The following EFHC2 variants were observed in gnomAD, a reference collection of about 807,000 sequenced individuals.
EFHC2 encodes the protein EF-hand domain-containing family member C2.
A neutral mutation model predicts 52.7 loss-of-function variants in EFHC2; 18 were observed. The ratio of observed to expected loss-of-function variants is 0.34; its 90% confidence interval spans 0.24 to 0.51. The LOEUF (loss-of-function observed/expected upper bound fraction) is 0.51, where lower values mean the gene tolerates loss of function less well. Among genes scored for constraint, EFHC2 ranks in the 20% least tolerant of loss-of-function variants. EFHC2 has a pLI of 0.97. For missense variants in EFHC2, 513 were observed against 562.5 expected (o/e 0.91, Z 0.89); for synonymous variants, 203 against 204.1 (o/e 0.99, Z 0.04).
intron 11 of EFHC2, among the ~76,000 whole-genome samples, chrX:44,207,574 C>G (rs2037058465): frequency 9.0e-6 from 1 of 111,058 alleles, no homozygotes; most frequent in South Asian, 3.7e-4. Context: ...AGGAAAAATT[C>G]TTCTGGACAT....
At chrX:44,215,544 G>A (rs1372340147) in intron 11 of EFHC2, among the ~76,000 whole-genome samples, 2 of 106,879 alleles carry the variant, frequency 1.9e-5, no homozygotes, top group African/African-American at 6.8e-5. Context: ...GGGGGTGGTG[G>A]GTGTTGGAAG....
At chrX:44,285,165 GCAA>G (rs907875038) in intron 2 of EFHC2, 5 of 111,844 alleles carry the variant, frequency 4.5e-5, no homozygotes, top group East Asian at 2.8e-4. Context: ...AGCAGCAGAA[GCAA>G]CAACAACATA....
At chrX:44,237,405 C>A (rs931052264) in intron 8 of EFHC2, among the ~76,000 whole-genome samples, 1 of 111,895 alleles carries the variant, frequency 8.9e-6, no homozygotes, top group Admixed American at 9.5e-5. Flanking sequence ...AGGCCACACC[C>A]AATTTAGCTC....
At chrX:44,171,100 A>T (rs1019013598) in intron 13 of EFHC2, among the ~76,000 whole-genome samples, 6 of 111,852 alleles carry the variant, frequency 5.4e-5, no homozygotes, top group Non-Finnish European at 1.1e-4. Flanking sequence ...ATGTTGTGGA[A>T]AAAGGGGGAG....
intron 1 of EFHC2, among the ~76,000 whole-genome samples, chrX:44,323,901 G>C (rs2038037217): frequency 9.0e-6 from 1 of 111,524 alleles, no homozygotes; most frequent in Non-Finnish European, 1.9e-5. Context: ...GGCTGCTCTT[G>C]TTCATTCCTG....
chrX:44,223,074 C>A (rs942502039), intron 11 of EFHC2, among the ~76,000 whole-genome samples: 2 of 112,109 alleles, frequency 1.8e-5, no homozygotes, highest in African/African-American at 3.2e-5. Context: ...GAAATTCCCA[C>A]GTAAGTTTCC....
At chrX:44,234,901 G>A (rs963952483) in intron 9 of EFHC2, among the ~76,000 whole-genome samples, 2 of 111,694 alleles carry the variant, frequency 1.8e-5, no homozygotes, top group African/African-American at 6.5e-5. Flanking sequence ...TTGTCTTACA[G>A]CCAAACAAAA....
At chrX:44,225,727 G>A (rs894687749) in intron 11 of EFHC2, 7 of 112,033 alleles carry the variant, frequency 6.2e-5, no homozygotes, top group Non-Finnish European at 9.4e-5. Flanking sequence ...AGGGACCTCA[G>A]AGACCAATAT....
intron 14 of EFHC2, among the ~76,000 whole-genome samples, chrX:44,151,576 A>G (rs1198060494): frequency 9.0e-6 from 1 of 111,479 alleles, no homozygotes; most frequent in African/African-American, 3.3e-5. Context: ...GTGTATACCA[A>G]TATGTCTTCA....
intron 11 of EFHC2, among the ~76,000 whole-genome samples, chrX:44,228,151 G>A (rs1053691480): frequency 3.6e-5 from 4 of 111,646 alleles, no homozygotes; most frequent in Admixed American, 9.5e-5. Flanking sequence ...TTTCTGGGAC[G>A]GGGAGGTCCT....
At chrX:44,171,376 A>AGAG (rs1555999229) in intron 13 of EFHC2, among the ~76,000 whole-genome samples, 1 of 111,860 alleles carries the variant, frequency 8.9e-6, no homozygotes, top group South Asian at 3.8e-4. Context: ...ATTTTGCTGA[A>AGAG]GAGGAGCCTT....
At chrX:44,321,537 G>A (rs772841813) in intron 1 of EFHC2, among the ~76,000 whole-genome samples, 2 of 111,851 alleles carry the variant, frequency 1.8e-5, no homozygotes, top group Admixed American at 9.5e-5. Flanking sequence ...CCAATGTTAC[G>A]TGATCAGGGA....
At chrX:44,278,582 C>T (rs771639949) in intron 2 of EFHC2, among the ~76,000 whole-genome samples, 27 of 111,247 alleles carry the variant, frequency 2.4e-4, no homozygotes, top group African/African-American at 8.5e-4. Flanking sequence ...TCATTCTCCC[C>T]GGAGGCAGGT....
intron 13 of EFHC2, among the ~76,000 whole-genome samples, chrX:44,173,191 C>T (rs1426091046): frequency 8.9e-6 from 1 of 112,331 alleles, no homozygotes; most frequent in African/African-American, 3.2e-5. Flanking sequence ...TGAATTTACA[C>T]AGCAGGGTTA....
chrX:44,248,242 A>G lies in EFHC2; in HGVS notation c.1111+30T>C, dbSNP rs773449824. 10 of 1,080,715 alleles carry G rather than the reference A, an allele frequency of 9.3e-6. No homozygotes were observed. The Middle Eastern group carries it at 2.3e-3, about 246-fold the overall frequency. 89.1% of individuals were successfully genotyped at this position (1,080,715 alleles called of 1,213,427 possible). On this transcript the variant is annotated intron_variant, in intron 7 of 14. Transcript: ENST00000420999. ...GGGAACAAACAATTTAATTTTAAAA[A>G]TATTTTTAATTGACATATGTATCAC...
chrX:44,340,666 A>C (rs1392011767), intron 1 of EFHC2, among the ~76,000 whole-genome samples: 2 of 111,880 alleles, frequency 1.8e-5, no homozygotes, highest in African/African-American at 6.5e-5. Flanking sequence ...CTAAAAAAAA[A>C]AGCAGTGACC....
At chrX:44,301,066 C>T (rs958388891) in intron 2 of EFHC2, among the ~76,000 whole-genome samples, 6 of 102,914 alleles carry the variant, frequency 5.8e-5, no homozygotes, top group Non-Finnish European at 7.9e-5. Flanking sequence ...GCCAAGATCA[C>T]GCCACTGCAC....
In EFHC2 at chrX:44,169,691, T is replaced by A. The variant is rs556226918; in HGVS notation, c.2043-5664A>T. Among the ~76,000 whole-genome samples the A allele has an allele frequency of 3.4e-4, 37 of 108,031 alleles. No individual in the cohort carries two copies. The South Asian group carries it at 0.013, about 38-fold the overall frequency. 93.8% of individuals were successfully genotyped at this position (108,031 alleles called of 115,157 possible). A position where few individuals can be genotyped will look rare whatever the true frequency, so the allele number is the denominator to read the frequency against. ...CAAACTAGAAAAGCCTATAGGGTGT[T>A]AAGCACAATGAATCTATATATAGCT... On this transcript the variant is annotated intron_variant, in intron 13 of 14. Coordinates refer to ENST00000420999, the MANE Select transcript of EFHC2 (RefSeq NM_025184.4).
chrX:44,342,589 C>T, intron 1 of EFHC2, among the ~76,000 whole-genome samples: 1 of 111,060 alleles, frequency 9.0e-6, no homozygotes, highest in East Asian at 2.8e-4. Flanking sequence ...TGAAATGAAC[C>T]CCTCCAGGAC....
Sources: gnomAD v4.1 joint callset for allele counts (sites outside exome capture counted in the v4.1 genomes callset) on GRCh38, gnomAD v4.1.1 for gene constraint, MANE v1.5 for transcripts, NCBI Gene and HGNC (gene_info 2026-07-23, HGNC 2026-07-21) for gene names.